Variants in CDYL2 observed in about 807,000 individuals in gnomAD.
CDYL2 encodes the protein chromodomain Y-like protein 2.
Under a neutral mutation model 49.4 loss-of-function variants are expected in CDYL2, and 23 were observed. That is an observed-to-expected ratio of 0.47 (90% CI 0.34 to 0.66). The LOEUF is 0.66. Ranked by LOEUF, CDYL2 falls within the 30% of genes least tolerant of loss-of-function variation. CDYL2 has a pLI of 0.01. For missense variants in CDYL2, 678 were observed against 656.4 expected, an observed-to-expected ratio of 1.03 and a Z score of -0.36; for synonymous variants, 360 against 268.8, an observed-to-expected ratio of 1.34 and a Z score of -3.32.
intron 2 of CDYL2, among the ~76,000 whole-genome samples, chr16:80,674,329 T>C (rs1909653063): frequency 6.6e-6 from 1 of 152,194 alleles, no homozygotes; most frequent in Non-Finnish European, 1.5e-5. Flanking sequence ...ATGCACAGCT[T>C]CTTGGAGAGC....
At position 80,773,683 on chromosome 16, in the gene CDYL2, A is replaced by G. The variant is rs138354737; in HGVS notation, c.24+30467T>C. Among the ~76,000 whole-genome samples, 699 of 152,294 alleles carry G rather than the reference A, an allele frequency of 4.6e-3. 7 individuals carry two copies. Among genetic ancestry groups the G allele is most frequent in the African/African-American group, 0.015 (644 of 41,570 alleles). ...TCTTCATGTTTGAAAATTAAGAAAT[A>G]TACGTCGAAACAAAAATGGAAACTA... On this transcript the variant is annotated intron_variant, in intron 1 of 6. Coordinates refer to ENST00000570137, the MANE Select transcript of CDYL2 (RefSeq NM_152342.4).
chr16:80,669,074 T>C (rs560353531), intron 2 of CDYL2, among the ~76,000 whole-genome samples: 8 of 152,042 alleles, frequency 5.3e-5, no homozygotes, highest in Admixed American at 2.6e-4. Context: ...GACCTAGATA[T>C]ACCACACTGA....
chr16:80,774,807 A>C (rs1015885883), intron 1 of CDYL2, among the ~76,000 whole-genome samples: 1 of 152,228 alleles, frequency 6.6e-6, no homozygotes, highest in Non-Finnish European at 1.5e-5. Flanking sequence ...AGAATGAGCA[A>C]AGCACAAAAA....
chr16:80,600,328 CTAACT>C lies in CDYL2; in HGVS notation c.*4055_*4059del, dbSNP rs750073537. Reference sequence around the variant, plus strand: ...AAAAATATTGCCTAAAACGCATATCCTAACTTATCACAGAAATATAAAAGTTTATA... The same window carrying C: ...AAAAATATTGCCTAAAACGCATATCCTATCACAGAAATATAAAAGTTTATA... On this transcript the variant is annotated 3_prime_UTR_variant, in exon 7 of 7. Coordinates refer to ENST00000570137, the MANE Select transcript of CDYL2 (RefSeq NM_152342.4). 1.3e-5 allele frequency: 2 copies of C among 152,078 alleles called. No individual in the cohort carries two copies. 9.4% of individuals were successfully genotyped at this position (152,078 alleles called of 1,614,324 possible).
chr16:80,731,037 G>A lies in CDYL2; in HGVS notation c.25-45908C>T, dbSNP rs80300662. Among the ~76,000 whole-genome samples, 408 of 152,218 alleles carry A rather than the reference G, an allele frequency of 2.7e-3. 4 individuals are homozygous for A. The highest frequency in any genetic ancestry group is 6.1e-3 in the Admixed American group (93 of 15,294). On this transcript the variant is annotated intron_variant, in intron 1 of 6. Transcript: ENST00000570137. The stretch of plus-strand genomic sequence containing the variant: ...ATATGTTCATTAGACTGACAGAGGT[G>A]ACAACTTCCCAGGTAAAATATGTCA...
intron 1 of CDYL2, among the ~76,000 whole-genome samples, chr16:80,798,877 G>A (rs1907843390): frequency 6.6e-6 from 1 of 152,072 alleles, no homozygotes; most frequent in Non-Finnish European, 1.5e-5. Flanking sequence ...TTTACAAATG[G>A]AAACTATCTA....
chr16:80,715,078 T>C (rs1904751026), intron 1 of CDYL2, among the ~76,000 whole-genome samples: 1 of 152,158 alleles, frequency 6.6e-6, no homozygotes, highest in Non-Finnish European at 1.5e-5. Context: ...CTTACTCATC[T>C]GGAGGAGCAA....
chr16:80,719,882 C>A (rs756622523), intron 1 of CDYL2, among the ~76,000 whole-genome samples: 1 of 152,206 alleles, frequency 6.6e-6, no homozygotes, highest in Non-Finnish European at 1.5e-5. Context: ...CCTTGGCTAC[C>A]TGCTGTCCAA....
intron 1 of CDYL2, among the ~76,000 whole-genome samples, chr16:80,703,565 C>T (rs534024966): frequency 3.2e-4 from 48 of 152,272 alleles, no homozygotes; most frequent in African/African-American, 9.4e-4. Context: ...CAGCAGGTAT[C>T]CCCATCACCC....
intron 4 of CDYL2, among the ~76,000 whole-genome samples, chr16:80,620,550 A>T (rs1387418578): frequency 6.6e-6 from 1 of 152,240 alleles, no homozygotes; most frequent in Non-Finnish European, 1.5e-5. Context: ...ATGGTTAGAG[A>T]TGAAAATATA....
At chr16:80,647,777 A>C (rs1414710286) in intron 2 of CDYL2, among the ~76,000 whole-genome samples, 1 of 152,206 alleles carries the variant, frequency 6.6e-6, no homozygotes, top group African/African-American at 2.4e-5. Flanking sequence ...GCTACATTTT[A>C]ATTCACAAAA....
intron 2 of CDYL2, among the ~76,000 whole-genome samples, chr16:80,681,857 C>T (rs1909979622): frequency 6.6e-6 from 1 of 152,176 alleles, no homozygotes; most frequent in Non-Finnish European, 1.5e-5. Flanking sequence ...AAGTCCATAC[C>T]TATCTCTTCA....
chr16:80,789,152 G>A (rs1330576946), intron 1 of CDYL2, among the ~76,000 whole-genome samples: 1 of 152,090 alleles, frequency 6.6e-6, no homozygotes, highest in African/African-American at 2.4e-5. Flanking sequence ...GGAGAAAAGG[G>A]AACACTCATA....
chr16:80,728,725 C>A (rs941352993), intron 1 of CDYL2, among the ~76,000 whole-genome samples: 2 of 152,174 alleles, frequency 1.3e-5, no homozygotes, highest in Non-Finnish European at 2.9e-5. Context: ...CAAAGGGAAG[C>A]CCATCAGACT....
chr16:80,669,203 C>T (rs891846858), intron 2 of CDYL2, among the ~76,000 whole-genome samples: 1 of 151,908 alleles, frequency 6.6e-6, no homozygotes, highest in Admixed American at 6.6e-5. Flanking sequence ...CATTTCTGCA[C>T]ACTGGAAGGT....
chr16:80,660,255 A>G (rs1908987409), intron 2 of CDYL2, among the ~76,000 whole-genome samples: 1 of 152,094 alleles, frequency 6.6e-6, no homozygotes, highest in Non-Finnish European at 1.5e-5. Context: ...AAATTTTAGT[A>G]AATGTAATTA....
chr16:80,708,677 A>G (rs1904486341), intron 1 of CDYL2, among the ~76,000 whole-genome samples: 1 of 152,210 alleles, frequency 6.6e-6, no homozygotes, highest in Non-Finnish European at 1.5e-5. Context: ...TGTACCCAAG[A>G]GGCAATCAAT....
intron 6 of CDYL2, among the ~76,000 whole-genome samples, chr16:80,607,212 T>A (rs1906377721): frequency 6.6e-6 from 1 of 152,192 alleles, no homozygotes; most frequent in African/African-American, 2.4e-5. Flanking sequence ...GAGCACTGTC[T>A]GTTCAGCTTG....
intron 2 of CDYL2, among the ~76,000 whole-genome samples, chr16:80,664,280 C>A (rs1909169205): frequency 6.6e-6 from 1 of 152,210 alleles, no homozygotes; most frequent in African/African-American, 2.4e-5. Flanking sequence ...CCATTACTTC[C>A]TCTGTTCCCT....
Sources: gnomAD v4.1 joint callset for allele counts (sites outside exome capture counted in the v4.1 genomes callset) on GRCh38, gnomAD v4.1.1 for gene constraint, MANE v1.5 for transcripts, NCBI Gene and HGNC (gene_info 2026-07-23, HGNC 2026-07-21) for gene names.